TBC1D14: variants seen among roughly 807,000 people sequenced by gnomAD.
TBC1D14 encodes TBC1 domain family member 14.
A neutral mutation model predicts 79.0 loss-of-function variants in TBC1D14; 26 were observed. That is an observed-to-expected ratio of 0.33 (90% CI 0.24 to 0.46). The LOEUF is 0.46. Among genes scored for constraint, TBC1D14 ranks in the 20% least tolerant of loss-of-function variants. TBC1D14 has a pLI of 1.00. For synonymous variants in TBC1D14, 394 were observed against 349.9 expected, an observed-to-expected ratio of 1.13 and a Z score of -1.40; for missense variants, 769 against 887.6, an observed-to-expected ratio of 0.87 and a Z score of 1.70.
chr4:6,911,140 T>C (rs1213237130), intron 1 of TBC1D14, among the ~76,000 whole-genome samples: 2 of 152,106 alleles, frequency 1.3e-5, no homozygotes, highest in Admixed American at 1.3e-4. Flanking sequence ...AACCCATATC[T>C]CAGTTTGGGT....
chr4:6,987,838 T>A (rs1718036076), intron 3 of TBC1D14, among the ~76,000 whole-genome samples: 1 of 152,198 alleles, frequency 6.6e-6, no homozygotes, highest in Non-Finnish European at 1.5e-5. Flanking sequence ...TTCCTTTGAA[T>A]ATGTTTCATT....
chr4:6,945,234 T>C (rs944317614), intron 2 of TBC1D14, among the ~76,000 whole-genome samples: 1 of 152,154 alleles, frequency 6.6e-6, no homozygotes, highest in African/African-American at 2.4e-5. Context: ...CACATGCCAC[T>C]GAGCTTTAGA....
chr4:6,963,186 G>A (rs1488390294), intron 2 of TBC1D14, among the ~76,000 whole-genome samples: 3 of 152,260 alleles, frequency 2.0e-5, no homozygotes, highest in Non-Finnish European at 4.4e-5. Context: ...CCCATGTCGG[G>A]GGTGGGACAG....
intron 11 of TBC1D14, among the ~76,000 whole-genome samples, chr4:7,014,033 G>A (rs1721047427): frequency 6.6e-6 from 1 of 152,212 alleles, no homozygotes; most frequent in Non-Finnish European, 1.5e-5. Context: ...ACAGGCGTGA[G>A]CCACCGCACC....
At chr4:7,016,799 G>A (rs1721330315) in intron 12 of TBC1D14, among the ~76,000 whole-genome samples, 2 of 152,150 alleles carry the variant, frequency 1.3e-5, no homozygotes, top group African/African-American at 4.8e-5. Flanking sequence ...CTGTTGTCTG[G>A]GTCATGCCTG....
intron 2 of TBC1D14, among the ~76,000 whole-genome samples, chr4:6,949,448 C>T (rs190705114): frequency 7.9e-5 from 12 of 152,244 alleles, no homozygotes; most frequent in Admixed American, 7.2e-4. Context: ...TTTGGGAAGC[C>T]GAGGCAGGTG....
chr4:6,990,506 G>A (rs1718379269), intron 3 of TBC1D14, among the ~76,000 whole-genome samples: 1 of 152,176 alleles, frequency 6.6e-6, no homozygotes, highest in African/African-American at 2.4e-5. Flanking sequence ...ACTTAAGTGG[G>A]CAGTTTATTT....
At chr4:7,027,191 A>G (rs1439152648) in intron 13 of TBC1D14, among the ~76,000 whole-genome samples, 1 of 152,032 alleles carries the variant, frequency 6.6e-6, no homozygotes, top group South Asian at 2.1e-4. Context: ...AGCCTGGGCA[A>G]TAGAGTGAGA....
At chr4:6,935,412 G>A (rs1415262020) in intron 2 of TBC1D14, among the ~76,000 whole-genome samples, 1 of 152,138 alleles carries the variant, frequency 6.6e-6, no homozygotes, top group African/African-American at 2.4e-5. Context: ...CAACAGAGAA[G>A]TGGCTTCAGC....
At chr4:6,945,323 C>T (rs1053801277) in intron 2 of TBC1D14, among the ~76,000 whole-genome samples, 2 of 152,098 alleles carry the variant, frequency 1.3e-5, no homozygotes, top group African/African-American at 2.4e-5. Context: ...AGAGTTTGTG[C>T]TGTAAGGCAG....
At chr4:6,925,215 C>G (rs1296852681) in intron 2 of TBC1D14, among the ~76,000 whole-genome samples, 1 of 152,082 alleles carries the variant, frequency 6.6e-6, no homozygotes, top group African/African-American at 2.4e-5. Flanking sequence ...TGCGGTGAGC[C>G]GAGATCGCGC....
intron 3 of TBC1D14, among the ~76,000 whole-genome samples, chr4:6,991,598 C>T (rs543891177): frequency 6.6e-6 from 1 of 152,358 alleles, no homozygotes; most frequent in African/African-American, 2.4e-5. Flanking sequence ...GGCCATCTGA[C>T]CACAGCCACA....
chr4:6,978,937 G>A (rs966919888), intron 3 of TBC1D14, among the ~76,000 whole-genome samples: 2 of 152,082 alleles, frequency 1.3e-5, no homozygotes, highest in Non-Finnish European at 2.9e-5. Flanking sequence ...AATGTCTGGC[G>A]TTTGCAGTGT....
chr4:7,011,675 G>C (rs889600387), intron 11 of TBC1D14, among the ~76,000 whole-genome samples: 4 of 151,854 alleles, frequency 2.6e-5, no homozygotes, highest in African/African-American at 9.7e-5. Flanking sequence ...TCGTGTCTCA[G>C]CCTCCCTAGT....
At chr4:6,967,267 C>G in intron 2 of TBC1D14, 37 bp from the exon 3 acceptor site, 9 of 1,602,796 alleles carry the variant, frequency 5.6e-6, no homozygotes, top group Non-Finnish European at 7.7e-6. Context: ...CTTGAATTAC[C>G]CAGAAATGCC....
intron 11 of TBC1D14, 104 bp downstream of exon 11, chr4:7,010,885 TG>T: frequency 1.5e-6 from 2 of 1,365,038 alleles, no homozygotes; most frequent in Non-Finnish European, 2.0e-6. Context: ...ATTTTCTCTC[TG>T]TGAAGAGATG....
intron 3 of TBC1D14, among the ~76,000 whole-genome samples, chr4:6,985,211 C>T (rs1050095688): frequency 6.6e-6 from 1 of 152,170 alleles, no homozygotes; most frequent in South Asian, 2.1e-4. Flanking sequence ...ATGACTGTTA[C>T]CACACCCAGG....
chr4:6,921,564 C>T lies in TBC1D14; in HGVS notation c.-17-1809C>T, dbSNP rs188520612. Reference sequence around the variant, plus strand: ...TTTTTGAAATGGAGCCTCGCCCTGTCGCCCAGGCTGGAGTGCAGTGGCATG... The same window carrying T: ...TTTTTGAAATGGAGCCTCGCCCTGTTGCCCAGGCTGGAGTGCAGTGGCATG... On this transcript the variant is annotated intron_variant, in intron 1 of 13. Transcript: ENST00000409757. 3.9e-3 allele frequency among the ~76,000 whole-genome samples: 594 copies of T among 151,832 alleles called. 4 individuals carry two copies. The highest frequency in any genetic ancestry group is 0.013 in the African/African-American group (529 of 41,362).
intron 2 of TBC1D14, among the ~76,000 whole-genome samples, chr4:6,954,590 G>C (rs888219304): frequency 8.5e-6 from 1 of 117,498 alleles, no homozygotes; most frequent in African/African-American, 3.3e-5. Flanking sequence ...CCTTGACTTG[G>C]ATATTCTGTT....
Sources: gnomAD v4.1 joint callset for allele counts (sites outside exome capture counted in the v4.1 genomes callset) on GRCh38, gnomAD v4.1.1 for gene constraint, MANE v1.5 for transcripts, NCBI Gene and HGNC (gene_info 2026-07-23, HGNC 2026-07-21) for gene names.